The following RPS6KA1 variants were observed in gnomAD, a reference collection of about 807,000 sequenced individuals.
RPS6KA1 encodes the protein ribosomal protein S6 kinase A1.
Under a neutral mutation model 91.3 loss-of-function variants are expected in RPS6KA1, and 48 were observed. The observed-to-expected ratio is 0.53, with a 90% CI of 0.42 to 0.67. RPS6KA1 has a LOEUF of 0.67. Ranked by LOEUF, RPS6KA1 falls within the 30% of genes least tolerant of loss-of-function variation. The probability of loss-of-function intolerance (pLI) is 0.00; values close to 1 mark genes in which losing one functional copy is unlikely to be tolerated. For missense variants in RPS6KA1, 719 were observed against 960.5 expected (o/e 0.75, Z 3.32); for synonymous variants, 359 against 384.7 (o/e 0.93, Z 0.78).
At chr1:26,544,055 C>G in intron 2 of RPS6KA1, 1 of 456,098 alleles carries the variant, frequency 2.2e-6, no homozygotes, top group South Asian at 1.5e-5. Flanking sequence ...TGTCTCCCCT[C>G]ATCTCTTTCC....
In RPS6KA1 at chr1:26,571,436, C is replaced by T; in HGVS notation, c.1591-13C>T. On this transcript the variant is annotated splice_polypyrimidine_tract_variant and intron_variant, in intron 17 of 21. Coordinates refer to ENST00000374168, the MANE Select transcript of RPS6KA1 (RefSeq NM_002953.4). This position sits in a 1 kb window ranked among gnomAD's most constrained non-coding sequence, Gnocchi z 5.1. ...CCCCACACTGAGAACTGACCCCAGC[C>T]CCCTGCCCCTAGGTTGTGCACAGGG... 6.2e-7 allele frequency: 1 copy of T among 1,613,958 alleles called. No individual in the cohort carries two copies. Among genetic ancestry groups the T allele is most frequent in the East Asian group, 2.2e-5 (1 of 44,884 alleles).
At chr1:26,532,031 C>T (rs1293748289) in intron 1 of RPS6KA1, among the ~76,000 whole-genome samples, 1 of 152,166 alleles carries the variant, frequency 6.6e-6, no homozygotes, top group Non-Finnish European at 1.5e-5. Flanking sequence ...AGCTCCTAGC[C>T]AGGAAGGAGG....
chr1:26,535,903 C>A (rs2075902672), intron 1 of RPS6KA1, among the ~76,000 whole-genome samples: 1 of 152,028 alleles, frequency 6.6e-6, no homozygotes, highest in East Asian at 1.9e-4. Context: ...GTAATCCCAG[C>A]ACTTTGGGAG....
rs1358626776 is a variant in RPS6KA1, at chr1:26,529,893, G to A, written c.-28G>A. The A allele has an allele frequency of 6.4e-6, 9 of 1,413,276 alleles. No homozygotes were observed. The East Asian group carries it at 2.7e-4, about 42-fold the overall frequency. 87.5% of individuals were successfully genotyped at this position (1,413,276 alleles called of 1,614,324 possible). ...AGGCGGCGCAGCCGGGGCCGCCGGAGGAGCGCGGGTGACCTGGCGGCGGCG... is the reference window on the plus strand; with the variant it reads ...AGGCGGCGCAGCCGGGGCCGCCGGAAGAGCGCGGGTGACCTGGCGGCGGCG... On this transcript the variant is annotated 5_prime_UTR_variant, in exon 1 of 22. Coordinates refer to ENST00000374168, the MANE Select transcript of RPS6KA1 (RefSeq NM_002953.4). This position sits in a 1 kb window ranked among gnomAD's most constrained non-coding sequence, Gnocchi z 4.2.
At chr1:26,546,093 G>A (rs1352426883) in intron 2 of RPS6KA1, 13 of 1,581,206 alleles carry the variant, frequency 8.2e-6, no homozygotes, top group Non-Finnish European at 1.0e-5. Flanking sequence ...GCAGGTGCCT[G>A]GGAAGCCAGC....
chr1:26,537,051 G>A, intron 2 of RPS6KA1, 82 bp downstream of exon 2: 1 of 1,447,080 alleles, frequency 6.9e-7, no homozygotes, highest in South Asian at 1.1e-5. Flanking sequence ...GAGGGCTCCA[G>A]CCTCTAGCCC....
At chr1:26,545,727 C>T (rs1204450569) in intron 2 of RPS6KA1, 9 of 879,398 alleles carry the variant, frequency 1.0e-5, no homozygotes, top group Admixed American at 7.9e-5. Flanking sequence ...AGGAAGGGAA[C>T]GTGGTGAGGG....
At chr1:26,562,171 TACA>T (rs1342827025) in intron 17 of RPS6KA1, among the ~76,000 whole-genome samples, 2 of 152,162 alleles carry the variant, frequency 1.3e-5, no homozygotes, top group Non-Finnish European at 2.9e-5. Flanking sequence ...ACCATTGCAC[TACA>T]GCCTGGGCAA....
At chr1:26,569,794 C>A (rs2124670391) in intron 17 of RPS6KA1, among the ~76,000 whole-genome samples, 1 of 152,288 alleles carries the variant, frequency 6.6e-6, no homozygotes, top group East Asian at 1.9e-4. Context: ...AACGGGCATT[C>A]CACAGACATA....
chr1:26,566,324 C>G (rs1290640964), intron 17 of RPS6KA1, among the ~76,000 whole-genome samples: 1 of 126,190 alleles, frequency 7.9e-6, no homozygotes, highest in Non-Finnish European at 1.6e-5. Context: ...CGCTCTGTTG[C>G]CCAGGCTGGA....
intron 17 of RPS6KA1, among the ~76,000 whole-genome samples, chr1:26,563,956 C>T (rs2076176707): frequency 6.6e-6 from 1 of 152,094 alleles, no homozygotes; most frequent in African/African-American, 2.4e-5. Context: ...AACCCCATCT[C>T]TACCAAAAAT....
chr1:26,569,942 G>A (rs932062638), intron 17 of RPS6KA1, among the ~76,000 whole-genome samples: 7 of 152,192 alleles, frequency 4.6e-5, no homozygotes, highest in Non-Finnish European at 8.8e-5. Flanking sequence ...TATCTTGCAG[G>A]TAGGGAGCCT....
In RPS6KA1 at chr1:26,545,172, C is replaced by CT. The variant is rs765400329; in HGVS notation, c.109-1690dup. 7.1e-3 allele frequency among the ~76,000 whole-genome samples: 1,033 copies of CT among 145,108 alleles called. 27 individuals carry two copies. The highest frequency in any genetic ancestry group is 0.018 in the African/African-American group (722 of 39,172). On this transcript the variant is annotated intron_variant, in intron 2 of 21. Coordinates refer to ENST00000374168, the MANE Select transcript of RPS6KA1 (RefSeq NM_002953.4). Reference sequence around the variant, plus strand: ...CTGTTGGATGCCATTCTTTCTTTTTCTTTTTCTTTTTTTTTGAGATGGAGT... The same window carrying CT: ...CTGTTGGATGCCATTCTTTCTTTTTCTTTTTTCTTTTTTTTTGAGATGGAGT...
intron 4 of RPS6KA1, among the ~76,000 whole-genome samples, chr1:26,549,103 A>G (rs1039930605): frequency 2.0e-5 from 3 of 150,250 alleles, no homozygotes; most frequent in African/African-American, 7.4e-5. Flanking sequence ...TGACGAATGA[A>G]TAGAATTCAT....
intron 21 of RPS6KA1, 76 bp downstream of exon 21, chr1:26,573,437 C>T: frequency 6.6e-7 from 1 of 1,526,258 alleles, no homozygotes; most frequent in Non-Finnish European, 9.0e-7. Context: ...GTGGAAGAGC[C>T]AGGCAATGCC....
In RPS6KA1 at chr1:26,574,103, G is replaced by T; in HGVS notation, c.2110G>T (p.Ala704Ser). The change falls in exon 22 of 22, where the codon GCA (alanine) becomes TCA (serine). Residue 704 changes from alanine to serine, a missense_variant. Physicochemically the swap from Ala to Ser is moderately conservative, Grantham distance 99 (BLOSUM62 1). Around this residue, in one of 5 missense-constraint regions of RPS6KA1, gnomAD observed 249 missense variants for 323.1 expected, o/e 0.77. Coordinates refer to ENST00000374168, the MANE Select transcript of RPS6KA1 (RefSeq NM_002953.4). This position sits in a 1 kb window ranked among gnomAD's most constrained non-coding sequence, Gnocchi z 4.3. ...GGGAGCCATGGCTGCCACGTACTCC[G>T]CACTCAACAGCTCCAAGCCCACCCC... ...VKGAMAATYS[A>S]LNSSKPTPQL... 2 of 1,614,016 alleles carry T rather than the reference G, an allele frequency of 1.2e-6. No homozygotes were observed. The highest frequency in any genetic ancestry group is 2.2e-5 in the South Asian group (2 of 91,084).
rs1455539054 is a variant in RPS6KA1 at position 26,529,962 on chromosome 1, G to A, written c.42G>A (p.Glu14=). ...TCAAGGAGCCCTGGCCGCTCATGGA[G>A]CTAGTGCCTCTGGACCCGGAGGTGA... ...AQLKEPWPLM[E]LVPLDPENGQ... The change falls in exon 1 of 22, where the codon GAG becomes GAA. Residue 14 remains glutamate (E), a synonymous_variant. Coordinates refer to ENST00000374168, the MANE Select transcript of RPS6KA1 (RefSeq NM_002953.4). This position sits in a 1 kb window ranked among gnomAD's most constrained non-coding sequence, Gnocchi z 4.2. 4.2e-6 allele frequency: 6 copies of A among 1,430,154 alleles called. No homozygotes were observed. The highest frequency in any genetic ancestry group is 5.5e-6 in the Non-Finnish European group (6 of 1,092,756). 88.6% of individuals were successfully genotyped at this position (1,430,154 alleles called of 1,614,324 possible).
chr1:26,543,780 A>T (rs913026726), intron 2 of RPS6KA1, among the ~76,000 whole-genome samples: 4 of 152,034 alleles, frequency 2.6e-5, no homozygotes, highest in African/African-American at 7.3e-5. Flanking sequence ...GGTCCAAGCT[A>T]CCTCTGCCAC....
chr1:26,561,978 G>A lies in RPS6KA1; in HGVS notation c.1590+315G>A, dbSNP rs1339333163. On this transcript the variant is annotated intron_variant, in intron 17 of 21. Transcript: ENST00000374168. This position sits in a 1 kb window ranked among gnomAD's most constrained non-coding sequence, Gnocchi z 5.7. ...AGCAACTTGGGAGGGCAACGCAGGT[G>A]GATCACTTGAGGTCAGGAGTTTGAC... 1.3e-5 allele frequency among the ~76,000 whole-genome samples: 2 copies of A among 152,130 alleles called. No homozygotes were observed. The highest frequency in any genetic ancestry group is 1.9e-4 in the East Asian group (1 of 5,200).
Sources: gnomAD v4.1 joint callset for allele counts (sites outside exome capture counted in the v4.1 genomes callset) on GRCh38, gnomAD v4.1.1 for gene constraint, gnomAD v4.1.1 regional missense constraint, Gnocchi (gnomAD v3.1) non-coding constraint, MANE v1.5 for transcripts, NCBI Gene and HGNC (gene_info 2026-07-23, HGNC 2026-07-21) for gene names.